The following SYN3 variants were observed in gnomAD, a reference collection of about 807,000 sequenced individuals.
The protein encoded by SYN3 is synapsin-3.
A neutral mutation model predicts 65.8 loss-of-function variants in SYN3; 35 were observed. The observed-to-expected ratio is 0.53, with a 90% CI of 0.41 to 0.70. The LOEUF (loss-of-function observed/expected upper bound fraction) is 0.70, where lower values mean the gene tolerates loss of function less well. Ranked by LOEUF, SYN3 falls within the 30% of genes least tolerant of loss-of-function variation. SYN3 has a pLI of 0.00. For missense variants in SYN3, 680 were observed against 749.0 expected, an observed-to-expected ratio of 0.91 and a Z score of 1.08; for synonymous variants, 270 against 292.9, an observed-to-expected ratio of 0.92 and a Z score of 0.80.
intron 4 of SYN3, among the ~76,000 whole-genome samples, chr22:32,894,935 G>A (rs1021004809): frequency 6.6e-6 from 1 of 152,196 alleles, no homozygotes; most frequent in Non-Finnish European, 1.5e-5. Flanking sequence ...AAATGTAAAT[G>A]ATCCATAGTA....
At chr22:32,758,681 CAT>C (rs71187211) in intron 6 of SYN3, among the ~76,000 whole-genome samples, 1,174 of 33,038 alleles carry the variant, frequency 0.036, 274 homozygotes, top group African/African-American at 0.075. Flanking sequence ...TTACTAAACT[CAT>C]ATATATATAT....
chr22:32,703,649 A>C (rs1252776238), intron 6 of SYN3, among the ~76,000 whole-genome samples: 1 of 151,992 alleles, frequency 6.6e-6, no homozygotes, highest in Non-Finnish European at 1.5e-5. Flanking sequence ...AAAAAAAAAA[A>C]AAAAAGAGAG....
At chr22:32,893,152 C>T (rs138821855) in intron 4 of SYN3, among the ~76,000 whole-genome samples, 5 of 152,290 alleles carry the variant, frequency 3.3e-5, no homozygotes, top group African/African-American at 1.2e-4. Context: ...AGGGGCCCAA[C>T]ACTCTGACCC....
At chr22:32,828,621 C>A (rs993561198) in intron 6 of SYN3, among the ~76,000 whole-genome samples, 7 of 152,232 alleles carry the variant, frequency 4.6e-5, no homozygotes, top group Admixed American at 2.0e-4. Flanking sequence ...GGCCCAGGGA[C>A]AGGAAGTGAC....
At chr22:32,597,559 C>G (rs551007649) in intron 6 of SYN3, among the ~76,000 whole-genome samples, 1 of 152,118 alleles carries the variant, frequency 6.6e-6, no homozygotes, top group Non-Finnish European at 1.5e-5. Context: ...AAAACTTTCA[C>G]TACTTCCCTT....
intron 6 of SYN3, among the ~76,000 whole-genome samples, chr22:32,604,985 G>A (rs2059350312): frequency 7.3e-6 from 1 of 136,644 alleles, no homozygotes; most frequent in African/African-American, 2.7e-5. Flanking sequence ...CAGCCTGGGC[G>A]ATAGAGCGAG....
intron 5 of SYN3, among the ~76,000 whole-genome samples, chr22:32,865,962 T>A (rs896664516): frequency 6.6e-6 from 1 of 152,258 alleles, no homozygotes; most frequent in South Asian, 2.1e-4. Context: ...GACTAATGTA[T>A]GCTGGAGACC....
chr22:32,967,757 A>T (rs1259158789), intron 3 of SYN3, among the ~76,000 whole-genome samples: 1 of 152,268 alleles, frequency 6.6e-6, no homozygotes, highest in East Asian at 1.9e-4. Flanking sequence ...GCAAAGGCTC[A>T]AATCCACTGT....
At chr22:33,004,112 C>T (rs1208521671) in intron 2 of SYN3, among the ~76,000 whole-genome samples, 1 of 152,222 alleles carries the variant, frequency 6.6e-6, no homozygotes, top group Non-Finnish European at 1.5e-5. Flanking sequence ...ACTTGGGTGT[C>T]CAGGCAGAAG....
At chr22:32,945,499 T>C (rs1053916274) in intron 3 of SYN3, among the ~76,000 whole-genome samples, 8 of 152,230 alleles carry the variant, frequency 5.3e-5, no homozygotes, top group Non-Finnish European at 1.2e-4. Context: ...TGTAGAAAGC[T>C]GAAACTGGAT....
intron 1 of SYN3, among the ~76,000 whole-genome samples, chr22:33,031,692 AT>A (rs1279211005): frequency 6.6e-6 from 1 of 151,122 alleles, no homozygotes; most frequent in African/African-American, 2.4e-5. Context: ...AGCCAACCCC[AT>A]TCCCCCAGCA....
At chr22:32,534,044 A>G (rs1326696716) in intron 9 of SYN3, 149 bp from the exon 10 acceptor site, 3 of 600,868 alleles carry the variant, frequency 5.0e-6, no homozygotes, top group Non-Finnish European at 9.1e-6. Flanking sequence ...GAGAAGCAGC[A>G]AGAGAGACAG....
At chr22:32,750,000 G>A (rs1268919172) in intron 6 of SYN3, among the ~76,000 whole-genome samples, 1 of 152,198 alleles carries the variant, frequency 6.6e-6, no homozygotes, top group Non-Finnish European at 1.5e-5. Flanking sequence ...TTGAAGGAGG[G>A]TAGACGTAGG....
chr22:32,780,331 C>T (rs1026937787), intron 6 of SYN3, among the ~76,000 whole-genome samples: 1 of 152,124 alleles, frequency 6.6e-6, no homozygotes, highest in East Asian at 1.9e-4. Context: ...GTTCTGGGGG[C>T]TAAAATTACA....
At chr22:32,975,103 G>T (rs1158621630) in intron 3 of SYN3, among the ~76,000 whole-genome samples, 1 of 152,160 alleles carries the variant, frequency 6.6e-6, no homozygotes, top group Non-Finnish European at 1.5e-5. Flanking sequence ...CCAGCTGGGT[G>T]CGGTGGCTCA....
intron 7 of SYN3, among the ~76,000 whole-genome samples, chr22:32,552,431 C>CTTTTTTTTTTT (rs1288129869): frequency 2.4e-5 from 3 of 126,130 alleles, no homozygotes; most frequent in African/African-American, 3.0e-5. Context: ...TTTTTTTTTT[C>CTTTTTTTTTTT]TTTTTTTTTT....
chr22:32,811,376 C>CTTA lies in SYN3; in HGVS notation c.711+53538_711+53539insTAA, dbSNP rs549236887. Among the ~76,000 whole-genome samples the CTTA allele has an allele frequency of 3.3e-5, 5 of 152,250 alleles. No individual in the cohort carries two copies. The East Asian group carries it at 9.7e-4, about 29-fold the overall frequency. On this transcript the variant is annotated intron_variant, in intron 6 of 13. Coordinates refer to ENST00000358763, the MANE Select transcript of SYN3 (RefSeq NM_003490.4). ...ATAGCTCAATAAGAATAAGCATGAG[C>CTTA]TTTTAGTAGTAGTGTTGTTATAGAG...
intron 4 of SYN3, among the ~76,000 whole-genome samples, chr22:32,894,278 GA>G (rs1156552613): frequency 6.6e-6 from 1 of 152,188 alleles, no homozygotes; most frequent in Non-Finnish European, 1.5e-5. Context: ...TATAGAAGAA[GA>G]AAACAGTCAA....
chr22:32,803,547 C>T (rs940682601), intron 6 of SYN3, among the ~76,000 whole-genome samples: 1 of 152,204 alleles, frequency 6.6e-6, no homozygotes, highest in Non-Finnish European at 1.5e-5. Flanking sequence ...GGGAACCCAG[C>T]TGGCCCAGGA....
Sources: allele counts gnomAD v4.1 joint callset (sites outside exome capture counted in the v4.1 genomes callset), GRCh38; gene constraint gnomAD v4.1.1; transcripts MANE v1.5; gene names NCBI Gene and HGNC (gene_info 2026-07-23, HGNC 2026-07-21).